Variants in TMEM273 observed in about 807,000 individuals in gnomAD.
The protein encoded by TMEM273 is chromosome 10 open reading frame 128.
TMEM273 carries 19 observed loss-of-function variants against 17.9 expected under a neutral mutation model. The ratio of observed to expected loss-of-function variants is 1.06; its 90% confidence interval spans 0.74 to 1.55. The LOEUF (loss-of-function observed/expected upper bound fraction) is 1.55, where lower values mean the gene tolerates loss of function less well. TMEM273 is among the 40% of genes most tolerant of loss of function. The pLI, the probability that TMEM273 is intolerant of heterozygous loss-of-function variation, is 0.00. For synonymous variants in TMEM273, 66 were observed against 62.0 expected (o/e 1.07, Z -0.31); for missense variants, 194 against 155.6 (o/e 1.25, Z -1.31).
chr10:49,173,409 G>A (rs1222800009), intron 1 of TMEM273, among the ~76,000 whole-genome samples: 2 of 152,178 alleles, frequency 1.3e-5, no homozygotes, highest in African/African-American at 2.4e-5. Context: ...ACACAAGCTG[G>A]ACTGGGATGT....
intron 6 of TMEM273, among the ~76,000 whole-genome samples, chr10:49,157,462 T>C (rs1845581793): frequency 1.3e-5 from 2 of 152,186 alleles, no homozygotes; most frequent in Admixed American, 1.3e-4. Context: ...ACCCAAATCT[T>C]TGACCACATC....
Position 49,155,689 on chromosome 10 carries a change from T to C in TMEM273, c.*203A>G. The C allele has an allele frequency of 1.4e-6, 1 of 694,898 alleles. No individual in the cohort carries two copies. Among genetic ancestry groups the C allele is most frequent in the South Asian group, 1.9e-5 (1 of 53,072 alleles). The allele number at this position is 694,898 out of a possible 1,614,324, so 43.0% of individuals were successfully genotyped here. On this transcript the variant is annotated 3_prime_UTR_variant, in exon 7 of 7. Transcript: ENST00000374153. ...CAATCCTTCCTCTGTGCAGTCCGTT[T>C]CTTCCAGAAGAGGCATGATATTTTC...
intron 3 of TMEM273, chr10:49,166,398 G>A: frequency 4.6e-6 from 1 of 215,736 alleles, no homozygotes; most frequent in Non-Finnish European, 9.3e-6. Context: ...ACCCACAAAG[G>A]CAGTGTCAAC....
intron 5 of TMEM273, among the ~76,000 whole-genome samples, chr10:49,164,846 C>A (rs550237823): frequency 3.2e-4 from 49 of 152,164 alleles, no homozygotes; most frequent in African/African-American, 1.1e-3. Flanking sequence ...GGGACCCCCA[C>A]CCCCACTGTG....
Position 49,181,201 on chromosome 10 carries a change from GA to G in TMEM273, c.43+7092del, listed in dbSNP as rs1278457518. Among the ~76,000 whole-genome samples the G allele has an allele frequency of 3.9e-5, 6 of 152,094 alleles. No individual in the cohort carries two copies. The East Asian group carries it at 9.6e-4, about 24-fold the overall frequency. On this transcript the variant is annotated intron_variant, in intron 1 of 6. Coordinates refer to ENST00000374153, the MANE Select transcript of TMEM273 (RefSeq NM_001288740.3). ...GTAAGTCTAATAGCACAACCTTGAA[GA>G]AAAAAATCCAGAAGGATCTTAATAA...
intron 4 of TMEM273, 138 bp from the exon 5 acceptor site, chr10:49,165,421 C>T: frequency 6.7e-7 from 1 of 1,502,804 alleles, no homozygotes; most frequent in Non-Finnish European, 8.9e-7. Context: ...CTGGGACAAA[C>T]CACGTGTGAC....
At chr10:49,183,622 C>T (rs901675446) in intron 1 of TMEM273, among the ~76,000 whole-genome samples, 2 of 152,096 alleles carry the variant, frequency 1.3e-5, no homozygotes, top group Non-Finnish European at 2.9e-5. Context: ...AGCTTTGGGG[C>T]ATCAAAATGC....
chr10:49,166,973 A>T lies in TMEM273; in HGVS notation c.134T>A (p.Val45Asp), dbSNP rs1396259606. 6.2e-7 allele frequency: 1 copy of T among 1,614,068 alleles called. No homozygotes were observed. The highest frequency in any genetic ancestry group is 8.5e-7 in the Non-Finnish European group (1 of 1,180,030). ...KYALIGTAVG[V>D]AISAGFLALK... is the part of the protein sequence containing the mutation. The stretch of plus-strand genomic sequence containing the variant: ...GGCCAGGAAGCCAGCAGATATGGCG[A>T]CACCCACAGCAGTCCCGATGAGGGC... Residue 45 changes from valine (V) to aspartate (D), a missense_variant, in exon 3 of 7, where the codon GTC becomes GAC. By Grantham distance (152) the Val-to-Asp change is radical. Coordinates refer to ENST00000374153, the MANE Select transcript of TMEM273 (RefSeq NM_001288740.3).
At chr10:49,175,816 G>A (rs1846921669) in intron 1 of TMEM273, among the ~76,000 whole-genome samples, 1 of 152,226 alleles carries the variant, frequency 6.6e-6, no homozygotes, top group Non-Finnish European at 1.5e-5. Flanking sequence ...GAGGAAGACG[G>A]GGGTTCTGGA....
chr10:49,184,581 C>T (rs1159341994), intron 1 of TMEM273, among the ~76,000 whole-genome samples: 1 of 152,140 alleles, frequency 6.6e-6, no homozygotes. Flanking sequence ...AAAATAAAAA[C>T]TTTGAGATAA....
intron 1 of TMEM273, among the ~76,000 whole-genome samples, chr10:49,186,108 G>GAAAA (rs368101860): frequency 7.3e-6 from 1 of 137,756 alleles, no homozygotes; most frequent in African/African-American, 2.9e-5. Context: ...AGAAGAAGAA[G>GAAAA]AGGAAGAAGA....
chr10:49,155,034 G>A lies in TMEM273; in HGVS notation c.*858C>T, dbSNP rs546605959. 6.6e-6 allele frequency: 1 copy of A among 152,348 alleles called. No homozygotes were observed. Among genetic ancestry groups the A allele is most frequent in the African/African-American group, 2.4e-5 (1 of 41,574 alleles). The allele number at this position is 152,348 out of a possible 1,614,324, so 9.4% of individuals were successfully genotyped here. A position where few individuals can be genotyped will look rare whatever the true frequency, so the allele number is the denominator to read the frequency against. Reference sequence around the variant, plus strand: ...GAAATACAGGGTTAATATTACAAGGGAGAGAAATGCTCACGGGGCCTTAGC... The same window carrying A: ...GAAATACAGGGTTAATATTACAAGGAAGAGAAATGCTCACGGGGCCTTAGC... On this transcript the variant is annotated 3_prime_UTR_variant, in exon 7 of 7. Coordinates refer to ENST00000374153, the MANE Select transcript of TMEM273 (RefSeq NM_001288740.3).
chr10:49,166,684 A>G, intron 3 of TMEM273, 185 bp downstream of exon 3: 1 of 774,198 alleles, frequency 1.3e-6, no homozygotes, highest in South Asian at 1.7e-5. Context: ...ATAGAGACAG[A>G]AGAAAGAGAA....
Position 49,165,201 on chromosome 10 carries a change from G to T in TMEM273, c.348+4C>A. ...TGGTGGCTGGAGTCGAGAGGGGATT[G>T]TACCTTAAATAGGCCCTCCATGATG... On this transcript the variant is annotated splice_donor_region_variant and intron_variant, in intron 5 of 6. Coordinates refer to ENST00000374153, the MANE Select transcript of TMEM273 (RefSeq NM_001288740.3). 6.5e-7 allele frequency: 1 copy of T among 1,548,564 alleles called. No individual in the cohort carries two copies.
intron 6 of TMEM273, among the ~76,000 whole-genome samples, chr10:49,160,196 A>G (rs1451912148): frequency 6.6e-6 from 1 of 152,220 alleles, no homozygotes; most frequent in Non-Finnish European, 1.5e-5. Context: ...ACATAGTGTC[A>G]AAGTGCCACC....
intron 1 of TMEM273, among the ~76,000 whole-genome samples, chr10:49,181,168 A>G (rs1847318286): frequency 6.6e-6 from 1 of 152,252 alleles, no homozygotes. Context: ...CTCATAAATT[A>G]TGCAGGTGTA....
chr10:49,158,666 A>G (rs1845659741), intron 6 of TMEM273, among the ~76,000 whole-genome samples: 1 of 152,224 alleles, frequency 6.6e-6, no homozygotes. Context: ...ATACCAATGG[A>G]GAATAAAGCC....
In TMEM273 at chr10:49,154,865, C is replaced by T. The variant is rs1449659160; in HGVS notation, c.*1027G>A. The T allele has an allele frequency of 6.6e-6, 1 of 152,168 alleles. No individual in the cohort carries two copies. The highest frequency in any genetic ancestry group is 1.5e-5 in the Non-Finnish European group (1 of 68,036). The allele number at this position is 152,168 out of a possible 1,614,324, so 9.4% of individuals were successfully genotyped here. ...TCGTTATCAAGTTGGGTAAGAGACGCCCTGGGAGTCCAGGCAAATCATGAC... is the reference window on the plus strand; with the variant it reads ...TCGTTATCAAGTTGGGTAAGAGACGTCCTGGGAGTCCAGGCAAATCATGAC... On this transcript the variant is annotated 3_prime_UTR_variant, in exon 7 of 7. Coordinates refer to ENST00000374153, the MANE Select transcript of TMEM273 (RefSeq NM_001288740.3).
intron 2 of TMEM273, 103 bp from the exon 3 acceptor site, chr10:49,167,112 C>T (rs1057493924): frequency 6.8e-7 from 1 of 1,477,588 alleles, no homozygotes; most frequent in Non-Finnish European, 9.1e-7. Context: ...AACACACCAC[C>T]TCCCACTGGC....
Sources: allele counts gnomAD v4.1 joint callset (sites outside exome capture counted in the v4.1 genomes callset), GRCh38; gene constraint gnomAD v4.1.1; transcripts MANE v1.5; gene names NCBI Gene and HGNC (gene_info 2026-07-23, HGNC 2026-07-21).